The following CDH18 variants were observed in gnomAD, a reference collection of about 807,000 sequenced individuals.
CDH18 encodes the protein cadherin-18.
Under a neutral mutation model 67.9 loss-of-function variants are expected in CDH18, and 31 were observed. The ratio of observed to expected loss-of-function variants is 0.46; its 90% CI spans 0.34 to 0.62. The LOEUF is 0.62. CDH18 is among the 20% of genes least tolerant of loss of function. The pLI is 0.01. For missense variants in CDH18, 890 were observed against 975.5 expected (o/e 0.91, Z 1.17); for synonymous variants, 362 against 347.2 (o/e 1.04, Z -0.48).
intron 1 of CDH18, chr5:20,305,161 G>C: frequency 6.9e-7 from 1 of 1,445,842 alleles, no homozygotes; most frequent in Non-Finnish European, 9.7e-7. Context: ...GGTGAAGGGA[G>C]GGGCGCTGGT....
chr5:20,155,855 G>T (rs1359619783), intron 2 of CDH18, among the ~76,000 whole-genome samples: 2 of 151,994 alleles, frequency 1.3e-5, no homozygotes, highest in South Asian at 2.1e-4. Flanking sequence ...GAATACTTTT[G>T]TTGATTTTGT....
At chr5:19,673,049 A>C (rs1433985908) in intron 5 of CDH18, among the ~76,000 whole-genome samples, 1 of 152,008 alleles carries the variant, frequency 6.6e-6, no homozygotes, top group Non-Finnish European at 1.5e-5. Context: ...GAAAATATTT[A>C]TTTCATTTAA....
In CDH18 at chr5:19,678,254, A is replaced by AT. The variant is rs1464600143; in HGVS notation, c.643+43092_643+43093insA. Among the ~76,000 whole-genome samples the AT allele has an allele frequency of 5.9e-5, 9 of 151,774 alleles. No individual in the cohort carries two copies. The East Asian group carries it at 1.7e-3, about 29-fold the overall frequency. On this transcript the variant is annotated intron_variant, in intron 5 of 12. Coordinates refer to ENST00000382275, the MANE Select transcript of CDH18 (RefSeq NM_004934.5). ...AACAATCCTCAGCAAATCAAAAAAA[A>AT]AAAACACTGAAATCACAGCAAACAC... is the stretch of plus-strand genomic sequence containing the variant.
chr5:19,676,425 C>T (rs1759500487), intron 5 of CDH18, among the ~76,000 whole-genome samples: 1 of 151,898 alleles, frequency 6.6e-6, no homozygotes, highest in Admixed American at 6.6e-5. Flanking sequence ...GAGGACTCTT[C>T]CCCAAATCTA....
chr5:20,248,164 T>G (rs2860198), intron 2 of CDH18, among the ~76,000 whole-genome samples: 45,444 of 152,092 alleles, frequency 0.3, 7,464 homozygotes, highest in Non-Finnish European at 0.37. Context: ...GAAGATTTTG[T>G]TAAGACTTAA....
chr5:19,504,305 A>G (rs422793), intron 10 of CDH18, among the ~76,000 whole-genome samples: 77,279 of 151,828 alleles, frequency 0.51, 19,936 homozygotes, highest in South Asian at 0.58. Flanking sequence ...ATCACTGCTC[A>G]AAAGATACAT....
At chr5:20,309,872 A>G (rs1271093774) in intron 1 of CDH18, among the ~76,000 whole-genome samples, 1 of 152,162 alleles carries the variant, frequency 6.6e-6, no homozygotes, top group Non-Finnish European at 1.5e-5. Flanking sequence ...CTGTCTCTAT[A>G]CTTTTTGTAT....
At chr5:19,897,184 T>C (rs1438230820) in intron 2 of CDH18, among the ~76,000 whole-genome samples, 1 of 152,094 alleles carries the variant, frequency 6.6e-6, no homozygotes, top group Non-Finnish European at 1.5e-5. Flanking sequence ...TGCCATACAA[T>C]TTATATGACA....
intron 4 of CDH18, among the ~76,000 whole-genome samples, chr5:19,727,010 G>A (rs904402583): frequency 1.3e-5 from 2 of 152,120 alleles, no homozygotes; most frequent in Non-Finnish European, 2.9e-5. Context: ...GAATCTTCTT[G>A]CACCTTGATT....
intron 1 of CDH18, among the ~76,000 whole-genome samples, chr5:20,363,768 T>C (rs1030454629): frequency 6.6e-6 from 1 of 152,022 alleles, no homozygotes; most frequent in African/African-American, 2.4e-5. Context: ...GGTAAGTATC[T>C]GTATTACCCC....
At chr5:19,945,259 G>T (rs1795185002) in intron 2 of CDH18, among the ~76,000 whole-genome samples, 1 of 152,120 alleles carries the variant, frequency 6.6e-6, no homozygotes, top group African/African-American at 2.4e-5. Context: ...AACACAAGCA[G>T]GGATCAAGCT....
At chr5:19,800,373 AT>A (rs1428621857) in intron 3 of CDH18, among the ~76,000 whole-genome samples, 4 of 152,152 alleles carry the variant, frequency 2.6e-5, no homozygotes, top group South Asian at 4.1e-4. Context: ...TGGAAAAAAA[AT>A]GTATGTAATT....
At chr5:19,704,486 C>G (rs1312690167) in intron 5 of CDH18, among the ~76,000 whole-genome samples, 1 of 152,028 alleles carries the variant, frequency 6.6e-6, no homozygotes, top group Non-Finnish European at 1.5e-5. Context: ...CCCTCAAGGT[C>G]AACATATGAT....
chr5:19,741,232 T>G (rs1448343571), intron 4 of CDH18, among the ~76,000 whole-genome samples: 1 of 66,786 alleles, frequency 1.5e-5, no homozygotes, highest in Non-Finnish European at 6.0e-5. Context: ...TACATGTATA[T>G]ATGTACATAT....
intron 2 of CDH18, among the ~76,000 whole-genome samples, chr5:19,841,912 C>T (rs542203437): frequency 6.6e-6 from 1 of 152,232 alleles, no homozygotes; most frequent in African/African-American, 2.4e-5. Flanking sequence ...TAGATATATA[C>T]TGTGCTATGG....
intron 1 of CDH18, among the ~76,000 whole-genome samples, chr5:20,350,801 A>C (rs1004297012): frequency 3.3e-5 from 5 of 152,198 alleles, no homozygotes; most frequent in Non-Finnish European, 5.9e-5. Context: ...GGAAGAATGA[A>C]TATTTATCAA....
chr5:20,318,128 C>T (rs1737642365), intron 1 of CDH18, among the ~76,000 whole-genome samples: 1 of 152,048 alleles, frequency 6.6e-6, no homozygotes, highest in African/African-American at 2.4e-5. Flanking sequence ...CTATTAGCAC[C>T]TGGTGGAACA....
At chr5:20,370,744 A>G (rs1413686095) in intron 1 of CDH18, among the ~76,000 whole-genome samples, 1 of 152,136 alleles carries the variant, frequency 6.6e-6, no homozygotes, top group Non-Finnish European at 1.5e-5. Context: ...GTTACTAGTT[A>G]GAAGACTGTG....
chr5:19,520,130 T>A (rs1388118147), intron 10 of CDH18, among the ~76,000 whole-genome samples: 1 of 152,176 alleles, frequency 6.6e-6, no homozygotes, highest in East Asian at 1.9e-4. Flanking sequence ...CTTCTTTGAC[T>A]AGATGCACAT....
Sources: gnomAD v4.1 joint callset for allele counts (sites outside exome capture counted in the v4.1 genomes callset) on GRCh38, gnomAD v4.1.1 for gene constraint, MANE v1.5 for transcripts, NCBI Gene and HGNC (gene_info 2026-07-23, HGNC 2026-07-21) for gene names.